LRRC9: variants seen among roughly 807,000 people sequenced by gnomAD.
The protein encoded by LRRC9 is leucine-rich repeat-containing protein 9.
LRRC9 carries 122 observed loss-of-function variants against 63.2 expected under a neutral mutation model. The observed-to-expected ratio is 1.93, with a 90% CI of 1.67 to 2.24. LRRC9 has a LOEUF of 2.24. LRRC9 is among the 30% of genes most tolerant of loss of function. LRRC9 has a pLI of 0.00. For synonymous variants in LRRC9, 366 were observed against 213.1 expected (o/e 1.72, Z -6.25); for missense variants, 1,071 against 627.7 (o/e 1.71, Z -7.55).
Position 60,031,940 on chromosome 14 carries a change from A to G in LRRC9, c.3922-55A>G. 1 of 682,190 alleles carries G rather than the reference A, an allele frequency of 1.5e-6. No homozygotes were observed. Among genetic ancestry groups the G allele is most frequent in the East Asian group, 2.7e-5 (1 of 37,066 alleles). 42.3% of individuals were successfully genotyped at this position (682,190 alleles called of 1,614,324 possible). A position where few individuals can be genotyped will look rare whatever the true frequency, so the allele number is the denominator to read the frequency against. On this transcript the variant is annotated intron_variant, in intron 28 of 31. Coordinates refer to ENST00000445360, the Ensembl canonical transcript of LRRC9. The surrounding 1 kb of genome is among the most constrained non-coding windows in gnomAD (Gnocchi z 4.6). ...ATATAATTACTTCAAATTAGTCTATATTTTAAGATGTTGAGTCTAACCAAA... is the reference window on the plus strand; with the variant it reads ...ATATAATTACTTCAAATTAGTCTATGTTTTAAGATGTTGAGTCTAACCAAA...
At chr14:59,959,290 G>C (rs533828922) in intron 8 of LRRC9, among the ~76,000 whole-genome samples, 1 of 152,274 alleles carries the variant, frequency 6.6e-6, no homozygotes, top group African/African-American at 2.4e-5. Flanking sequence ...GACCAGTGCT[G>C]TGCTGAGTCA....
chr14:60,062,403 A>T (rs1379240908), intron 31 of LRRC9, among the ~76,000 whole-genome samples: 1 of 152,210 alleles, frequency 6.6e-6, no homozygotes, highest in Non-Finnish European at 1.5e-5. Flanking sequence ...AAGGCTGAGA[A>T]ATGGCTATCA....
At chr14:59,925,577 G>T (rs966153729) in intron 1 of LRRC9, among the ~76,000 whole-genome samples, 12 of 152,096 alleles carry the variant, frequency 7.9e-5, no homozygotes, top group Admixed American at 2.6e-4. Flanking sequence ...AGTTTGAAGG[G>T]GACACATTCA....
Position 60,028,110 on chromosome 14 carries a change from A to C in LRRC9, c.3921+9A>C, listed in dbSNP as rs757082008. The C allele has an allele frequency of 1.9e-5, 13 of 681,660 alleles. No homozygotes were observed. Among genetic ancestry groups the C allele is most frequent in the Admixed American group, 1.6e-4 (7 of 44,898 alleles). The allele number at this position is 681,660 out of a possible 1,614,324, so 42.2% of individuals were successfully genotyped here. A position where few individuals can be genotyped will look rare whatever the true frequency, so the allele number is the denominator to read the frequency against. On this transcript the variant is annotated intron_variant, in intron 28 of 31. Transcript: ENST00000445360. ...GATATAATAAAATCCAGGTAACATT[A>C]TTATTTTTTTATTATGGGATTTACA...
At chr14:60,035,961 GA>G (rs1892397265) in intron 29 of LRRC9, among the ~76,000 whole-genome samples, 1 of 13,422 alleles carries the variant, frequency 7.5e-5, no homozygotes, top group African/African-American at 9.9e-5. Flanking sequence ...TCACAATTCT[GA>G]GGCTGAAAGT....
In LRRC9 at chr14:60,014,698, T is replaced by C. The variant is rs1890535617; in HGVS notation, c.3187-1962T>C. ...GCCTTTTTTCTCTGTCATTAGTTTT[T>C]AGAAATTTGATTCTGATTATTATTA... On this transcript the variant is annotated intron_variant, in intron 23 of 31. Transcript: ENST00000445360. Among the ~76,000 whole-genome samples the C allele has an allele frequency of 2.6e-5, 4 of 152,222 alleles. No individual in the cohort carries two copies. The South Asian group carries it at 8.3e-4, about 32-fold the overall frequency.
chr14:59,939,225 G>C (rs1181437840), intron 7 of LRRC9, among the ~76,000 whole-genome samples: 3 of 151,740 alleles, frequency 2.0e-5, no homozygotes, highest in Non-Finnish European at 2.9e-5. Flanking sequence ...GTCTACCAAG[G>C]ATTAGGTAGA....
chr14:59,939,473 T>A (rs1386673542), intron 7 of LRRC9, among the ~76,000 whole-genome samples: 1 of 151,870 alleles, frequency 6.6e-6, no homozygotes, highest in East Asian at 1.9e-4. Flanking sequence ...AATAATGGAT[T>A]AAGAATAGAG....
At chr14:60,020,363 A>G in intron 26 of LRRC9, among the ~76,000 whole-genome samples, 1 of 151,890 alleles carries the variant, frequency 6.6e-6, no homozygotes, top group Admixed American at 6.6e-5. Context: ...ATCATTGATG[A>G]ACATTTTGGT....
At chr14:59,931,705 T>C (rs746336096) in intron 5 of LRRC9, 23 bp downstream of exon 5, 2 of 672,972 alleles carry the variant, frequency 3.0e-6, no homozygotes, top group South Asian at 3.3e-5. Context: ...TCATTTGGAA[T>C]CTGAGATAAT....
intron 23 of LRRC9, among the ~76,000 whole-genome samples, chr14:60,013,488 C>T (rs1193436945): frequency 6.6e-6 from 1 of 152,188 alleles, no homozygotes; most frequent in African/African-American, 2.4e-5. Context: ...TGCAAGTCAA[C>T]TTGCTAGGAG....
chr14:59,929,861 G>A (rs1208372624), intron 3 of LRRC9, among the ~76,000 whole-genome samples: 1 of 152,084 alleles, frequency 6.6e-6, no homozygotes, highest in Non-Finnish European at 1.5e-5. Flanking sequence ...ATTTAGAAGT[G>A]GGAGCTAAAT....
intron 23 of LRRC9, among the ~76,000 whole-genome samples, chr14:60,013,446 C>A (rs984214027): frequency 6.6e-6 from 1 of 152,112 alleles, no homozygotes; most frequent in African/African-American, 2.4e-5. Flanking sequence ...TTGAATCAGG[C>A]CCATCCAGAT....
At chr14:59,973,152 T>C (rs575068021) in intron 12 of LRRC9, among the ~76,000 whole-genome samples, 9 of 152,242 alleles carry the variant, frequency 5.9e-5, no homozygotes, top group African/African-American at 2.2e-4. Flanking sequence ...TTTCTGATTA[T>C]TTGAATTATG....
intron 29 of LRRC9, among the ~76,000 whole-genome samples, chr14:60,033,036 A>G (rs933349255): frequency 6.6e-6 from 1 of 152,094 alleles, no homozygotes; most frequent in Non-Finnish European, 1.5e-5. Flanking sequence ...AAATATTTGT[A>G]ATTTTCTCCA....
At chr14:59,977,151 A>G (rs1326199699) in intron 13 of LRRC9, 74 bp from the exon 14 acceptor site, 29 of 618,612 alleles carry the variant, frequency 4.7e-5, no homozygotes, top group Non-Finnish European at 1.7e-5. Flanking sequence ...GTCTTGGGCC[A>G]ATAAAGAAGG....
chr14:59,931,295 G>A (rs1239933156), intron 4 of LRRC9, among the ~76,000 whole-genome samples: 1 of 152,000 alleles, frequency 6.6e-6, no homozygotes, highest in African/African-American at 2.4e-5. Flanking sequence ...TTCTTTCTTT[G>A]AAGGTTTAAA....
exon 22 of LRRC9, chr14:60,006,571 T>A: frequency 1.4e-6 from 1 of 701,084 alleles, no homozygotes; most frequent in Non-Finnish European, 2.6e-6. Flanking sequence ...GAGTTATACA[T>A]AAGCAATAAC....
chr14:59,921,241 G>A (rs1223257557), intron 1 of LRRC9, among the ~76,000 whole-genome samples: 1 of 152,204 alleles, frequency 6.6e-6, no homozygotes, highest in Non-Finnish European at 1.5e-5. Context: ...CCTCTGTGGA[G>A]GTTGTGGCTG....
Sources: allele counts gnomAD v4.1 joint callset (sites outside exome capture counted in the v4.1 genomes callset), GRCh38; gene constraint gnomAD v4.1.1; non-coding constraint Gnocchi (gnomAD v3.1); transcripts MANE v1.5; gene names NCBI Gene and HGNC (gene_info 2026-07-23, HGNC 2026-07-21).